Variants in GPC5 observed in about 807,000 individuals in gnomAD.
GPC5 encodes the protein glypican-5.
A neutral mutation model predicts 53.9 loss-of-function variants in GPC5; 47 were observed. That is an observed-to-expected ratio of 0.87 (90% confidence interval 0.69 to 1.11). The LOEUF (loss-of-function observed/expected upper bound fraction) is 1.11. GPC5 is among the 50% of genes most tolerant of loss of function. GPC5 has a pLI of 0.00. For missense variants in GPC5, 748 were observed against 713.1 expected, an observed-to-expected ratio of 1.05 and a Z score of -0.56; for synonymous variants, 286 against 263.3, an observed-to-expected ratio of 1.09 and a Z score of -0.84.
intron 7 of GPC5, among the ~76,000 whole-genome samples, chr13:92,427,035 G>A (rs908058704): frequency 1.3e-5 from 2 of 151,942 alleles, no homozygotes; most frequent in South Asian, 4.2e-4. Context: ...GCCTATTTTA[G>A]TTAAGAACAT....
At chr13:91,911,796 G>A (rs1482749348) in intron 6 of GPC5, among the ~76,000 whole-genome samples, 1 of 152,158 alleles carries the variant, frequency 6.6e-6, no homozygotes, top group Non-Finnish European at 1.5e-5. Context: ...TAATGGATTG[G>A]AACTCTGGGA....
chr13:91,600,685 T>C (rs1312376945), intron 2 of GPC5, among the ~76,000 whole-genome samples: 1 of 152,136 alleles, frequency 6.6e-6, no homozygotes, highest in Non-Finnish European at 1.5e-5. Context: ...CTCAGCTCAC[T>C]GTTATGTTAG....
At chr13:91,636,380 A>G (rs1251584015) in intron 2 of GPC5, among the ~76,000 whole-genome samples, 4 of 149,900 alleles carry the variant, frequency 2.7e-5, no homozygotes, top group African/African-American at 1.0e-4. Context: ...CATTATATAA[A>G]TATATTTTAC....
intron 7 of GPC5, among the ~76,000 whole-genome samples, chr13:92,155,217 C>T (rs1469306073): frequency 6.6e-6 from 1 of 152,032 alleles, no homozygotes; most frequent in Non-Finnish European, 1.5e-5. Context: ...TTGTTCAATA[C>T]AAAAATGTTA....
chr13:92,336,115 C>T (rs945139562), intron 7 of GPC5, among the ~76,000 whole-genome samples: 13 of 152,124 alleles, frequency 8.5e-5, no homozygotes, highest in Non-Finnish European at 1.6e-4. Context: ...TGAGTTTATA[C>T]ATCTGAGCTA....
At chr13:91,937,744 A>T (rs1169568409) in intron 6 of GPC5, among the ~76,000 whole-genome samples, 1 of 152,126 alleles carries the variant, frequency 6.6e-6, no homozygotes, top group Non-Finnish European at 1.5e-5. Context: ...AGACCGGATA[A>T]GACAAGCAAA....
chr13:92,199,728 T>G (rs959708864), intron 7 of GPC5, among the ~76,000 whole-genome samples: 1 of 152,212 alleles, frequency 6.6e-6, no homozygotes, highest in African/African-American at 2.4e-5. Context: ...CGCAAGAGAC[T>G]TGCCCCTTTG....
At chr13:91,753,299 C>A (rs1320532136) in intron 4 of GPC5, among the ~76,000 whole-genome samples, 1 of 152,130 alleles carries the variant, frequency 6.6e-6, no homozygotes, top group Non-Finnish European at 1.5e-5. Context: ...TAGTGTAGGA[C>A]ACTGAGAAGG....
intron 2 of GPC5, among the ~76,000 whole-genome samples, chr13:91,643,125 C>T (rs529146518): frequency 1.3e-5 from 2 of 152,100 alleles, no homozygotes; most frequent in African/African-American, 4.8e-5. Context: ...TAGAATGATT[C>T]AGTGATAAGG....
At chr13:92,263,951 G>A (rs1348479794) in intron 7 of GPC5, among the ~76,000 whole-genome samples, 2 of 152,098 alleles carry the variant, frequency 1.3e-5, no homozygotes, top group East Asian at 3.8e-4. Context: ...TGAATTGTAT[G>A]TCTCAAAATT....
intron 6 of GPC5, among the ~76,000 whole-genome samples, chr13:92,111,413 C>T (rs1265083060): frequency 6.6e-6 from 1 of 152,076 alleles, no homozygotes; most frequent in Non-Finnish European, 1.5e-5. Context: ...ACCAGAAAGC[C>T]TGGGAAATCA....
chr13:91,577,975 G>C (rs2032200745), intron 2 of GPC5, among the ~76,000 whole-genome samples: 2 of 152,216 alleles, frequency 1.3e-5, no homozygotes, highest in South Asian at 4.1e-4. Context: ...ATGATAGTGT[G>C]TGATTTCTGT....
At chr13:92,379,735 T>G (rs1367392611) in intron 7 of GPC5, among the ~76,000 whole-genome samples, 1 of 152,180 alleles carries the variant, frequency 6.6e-6, no homozygotes, top group Non-Finnish European at 1.5e-5. Flanking sequence ...TTAGTTCCTC[T>G]CTGTGCCCAC....
chr13:92,007,042 A>G (rs1441739314), intron 6 of GPC5, among the ~76,000 whole-genome samples: 3 of 150,606 alleles, frequency 2.0e-5, no homozygotes. Flanking sequence ...GTGACCTTTA[A>G]TATGATAAAG....
chr13:92,079,200 C>T (rs112284848), intron 6 of GPC5, among the ~76,000 whole-genome samples: 9,203 of 152,058 alleles, frequency 0.061, 396 homozygotes, highest in Admixed American at 0.1. Flanking sequence ...TACAGGCACC[C>T]GCCACCATGC....
intron 6 of GPC5, among the ~76,000 whole-genome samples, chr13:92,050,465 C>T (rs2041018602): frequency 1.3e-5 from 2 of 151,964 alleles, no homozygotes; most frequent in African/African-American, 4.8e-5. Flanking sequence ...TGATAAGAGG[C>T]AACAGGAAGG....
intron 7 of GPC5, among the ~76,000 whole-genome samples, chr13:92,662,832 G>C (rs1193369461): frequency 6.6e-6 from 1 of 152,164 alleles, no homozygotes; most frequent in Non-Finnish European, 1.5e-5. Flanking sequence ...CTTGGGCTTT[G>C]CATGGCAATC....
chr13:92,421,495 C>G (rs902182351), intron 7 of GPC5, among the ~76,000 whole-genome samples: 4 of 151,886 alleles, frequency 2.6e-5, no homozygotes, highest in African/African-American at 4.8e-5. Flanking sequence ...GTCAGGAGAT[C>G]GAAACCATCC....
At chr13:92,206,215 G>A (rs1444675363) in intron 7 of GPC5, among the ~76,000 whole-genome samples, 2 of 143,678 alleles carry the variant, frequency 1.4e-5, no homozygotes, top group African/African-American at 5.1e-5. Context: ...GCCCAGGCTG[G>A]AGTGTAGTGG....
Sources: allele counts gnomAD v4.1 joint callset (sites outside exome capture counted in the v4.1 genomes callset), GRCh38; gene constraint gnomAD v4.1.1; transcripts MANE v1.5; gene names NCBI Gene and HGNC (gene_info 2026-07-23, HGNC 2026-07-21).